The following WDFY4 variants were observed in gnomAD, a reference collection of about 807,000 sequenced individuals.
The protein encoded by WDFY4 is WDFY family member 4.
WDFY4 carries 169 observed loss-of-function variants against 351.9 expected under a neutral mutation model. That is an observed-to-expected ratio of 0.48 (90% CI 0.42 to 0.55). WDFY4 has a LOEUF of 0.55. Among genes scored for constraint, WDFY4 ranks in the 20% least tolerant of loss-of-function variants. The probability of loss-of-function intolerance (pLI) is 0.00; values close to 1 mark genes in which losing one functional copy is unlikely to be tolerated. For synonymous variants in WDFY4, 1,622 were observed against 1,574.6 expected (o/e 1.03, Z -0.71); for missense variants, 3,803 against 3,935.6 (o/e 0.97, Z 0.90).
In WDFY4 at chr10:48,788,743, T is replaced by A. The variant is rs74858472; in HGVS notation, c.3954+68T>A. 8.4e-3 allele frequency: 12,817 copies of A among 1,527,376 alleles called. 1,001 individuals are homozygous for A. In the African/African-American group the frequency reaches 0.16, roughly 19 times the overall value. 94.6% of individuals were successfully genotyped at this position (1,527,376 alleles called of 1,614,324 possible). A position where few individuals can be genotyped will look rare whatever the true frequency, so the allele number is the denominator to read the frequency against. On this transcript the variant is annotated intron_variant, in intron 21 of 61. Coordinates refer to ENST00000325239, the MANE Select transcript of WDFY4 (RefSeq NM_001394531.1). ...TTTCATGGTTTGCATTAGCTTTCAGTGCTTAAGTAAACACTATTTCATGTT... is the reference window on the plus strand; with the variant it reads ...TTTCATGGTTTGCATTAGCTTTCAGAGCTTAAGTAAACACTATTTCATGTT...
intron 39 of WDFY4, among the ~76,000 whole-genome samples, chr10:48,865,008 A>T (rs1428556324): frequency 1.3e-5 from 2 of 152,164 alleles, no homozygotes; most frequent in Non-Finnish European, 1.5e-5. Flanking sequence ...GCCATCTGTG[A>T]ACAGAGGTGT....
chr10:48,896,380 A>T (rs1837077945), intron 44 of WDFY4, among the ~76,000 whole-genome samples: 2 of 152,234 alleles, frequency 1.3e-5, no homozygotes, highest in Non-Finnish European at 2.9e-5. Flanking sequence ...GGAGTCAGAG[A>T]TGTTTAGGGG....
intron 1 of WDFY4, among the ~76,000 whole-genome samples, chr10:48,697,350 C>T (rs1220760292): frequency 3.3e-5 from 5 of 152,242 alleles, no homozygotes; most frequent in Non-Finnish European, 2.9e-5. Flanking sequence ...TCTTAGCCTC[C>T]CGTGTCTTCC....
intron 47 of WDFY4, among the ~76,000 whole-genome samples, chr10:48,920,592 T>A (rs971465647): frequency 2.0e-4 from 30 of 152,208 alleles, no homozygotes; most frequent in Non-Finnish European, 7.3e-5. Flanking sequence ...GGTTCTTCTC[T>A]GAAGTTTGGG....
chr10:48,972,137 T>C (rs879348836), intron 57 of WDFY4, among the ~76,000 whole-genome samples: 2 of 152,210 alleles, frequency 1.3e-5, no homozygotes, highest in African/African-American at 2.4e-5. Flanking sequence ...CATGCTCTTA[T>C]TTTCTAAAAA....
chr10:48,723,009 A>G (rs1471661704), intron 4 of WDFY4, among the ~76,000 whole-genome samples: 1 of 152,014 alleles, frequency 6.6e-6, no homozygotes, highest in African/African-American at 2.4e-5. Flanking sequence ...TTGCTCACAC[A>G]CATATTATCA....
intron 24 of WDFY4, among the ~76,000 whole-genome samples, chr10:48,800,116 T>G (rs2067013638): frequency 6.6e-6 from 1 of 152,150 alleles, no homozygotes; most frequent in South Asian, 2.1e-4. Flanking sequence ...GATCTCTTGA[T>G]CTCATGATCC....
Position 48,727,588 on chromosome 10 carries a change from C to G in WDFY4, c.900C>G (p.Pro300=), listed in dbSNP as rs41281999. ...TGGGATTCGTGAAGGACTCCTACCCCGTCTCCTCGGCTCTGTTCCTGGAGT... is the reference window on the plus strand; with the variant it reads ...TGGGATTCGTGAAGGACTCCTACCCGGTCTCCTCGGCTCTGTTCCTGGAGT... ...LILGFVKDSY[P]VSSALFLEFE... is the part of the protein sequence containing the mutation. Residue 300 remains proline (P), a synonymous_variant, in exon 7 of 62, where the codon CCC becomes CCG. Transcript: ENST00000325239. 1 of 1,551,988 alleles carries G rather than the reference C, an allele frequency of 6.4e-7. No individual in the cohort carries two copies. Among genetic ancestry groups the G allele is most frequent in the African/African-American group, 1.4e-5 (1 of 73,160 alleles).
chr10:48,858,759 T>C (rs1358177264), intron 39 of WDFY4, among the ~76,000 whole-genome samples: 3 of 152,236 alleles, frequency 2.0e-5, no homozygotes, highest in African/African-American at 7.2e-5. Flanking sequence ...GGTATTTTAA[T>C]AAGAATTTTA....
chr10:48,828,016 A>T (rs2068063067), intron 36 of WDFY4, among the ~76,000 whole-genome samples: 2 of 152,102 alleles, frequency 1.3e-5, no homozygotes, highest in African/African-American at 2.4e-5. Flanking sequence ...CCCTCTGTTT[A>T]GCAAGATTGA....
intron 19 of WDFY4, among the ~76,000 whole-genome samples, chr10:48,781,891 T>C (rs1412539958): frequency 6.6e-6 from 1 of 152,212 alleles, no homozygotes; most frequent in African/African-American, 2.4e-5. Flanking sequence ...TCCAGGAACA[T>C]ACATATAGTA....
intron 58 of WDFY4, 107 bp downstream of exon 58, chr10:48,975,148 G>T: frequency 7.0e-7 from 1 of 1,430,040 alleles, no homozygotes. Flanking sequence ...ACCCCAGAAT[G>T]CTGAGAGGGC....
At chr10:48,712,078 G>C (rs2063781091) in intron 2 of WDFY4, among the ~76,000 whole-genome samples, 1 of 152,134 alleles carries the variant, frequency 6.6e-6, no homozygotes, top group South Asian at 2.1e-4. Flanking sequence ...TCCACACCCT[G>C]TCCCTATAAT....
At chr10:48,747,730 T>C (rs1057161026) in intron 12 of WDFY4, among the ~76,000 whole-genome samples, 4 of 152,224 alleles carry the variant, frequency 2.6e-5, no homozygotes, top group Admixed American at 2.6e-4. Flanking sequence ...GATAGCCCTT[T>C]TCCTTTCTCA....
At chr10:48,867,841 A>G (rs1564431662) in intron 40 of WDFY4, among the ~76,000 whole-genome samples, 1 of 152,262 alleles carries the variant, frequency 6.6e-6, no homozygotes. Context: ...AACACAACAT[A>G]CAGTCTTAAA....
chr10:48,851,240 C>T (rs935518404), intron 39 of WDFY4, among the ~76,000 whole-genome samples: 2 of 152,150 alleles, frequency 1.3e-5, no homozygotes, highest in African/African-American at 4.8e-5. Context: ...TGGGGGCAGC[C>T]GTTGGTGAGA....
At position 48,958,604 on chromosome 10, in the gene WDFY4, C is replaced by CT. The variant is rs946368693; in HGVS notation, c.8132-1109dup. 3.0e-4 allele frequency among the ~76,000 whole-genome samples: 46 copies of CT among 151,238 alleles called. 1 individual carries two copies. In the South Asian group the frequency reaches 8.2e-3, roughly 27 times the overall value. On this transcript the variant is annotated intron_variant, in intron 52 of 61. Coordinates refer to ENST00000325239, the MANE Select transcript of WDFY4 (RefSeq NM_001394531.1). ...TTGAGCACCTACTGTATATAGGGACCTTTTTTTTTAGGCACTGGGGATTTA... is the reference window on the plus strand; with the variant it reads ...TTGAGCACCTACTGTATATAGGGACCTTTTTTTTTTAGGCACTGGGGATTTA...
At chr10:48,883,442 G>A (rs2070335282) in intron 43 of WDFY4, among the ~76,000 whole-genome samples, 1 of 152,124 alleles carries the variant, frequency 6.6e-6, no homozygotes, top group Admixed American at 6.5e-5. Flanking sequence ...GGTACAATTA[G>A]CCTATGTTGA....
chr10:48,827,382 G>A (rs1565244916), intron 36 of WDFY4, among the ~76,000 whole-genome samples: 1 of 151,542 alleles, frequency 6.6e-6, no homozygotes, highest in Non-Finnish European at 1.5e-5. Flanking sequence ...AAAAATGCTA[G>A]TTAAAAAGCT....
Sources: allele counts gnomAD v4.1 joint callset (sites outside exome capture counted in the v4.1 genomes callset), GRCh38; gene constraint gnomAD v4.1.1; transcripts MANE v1.5; gene names NCBI Gene and HGNC (gene_info 2026-07-23, HGNC 2026-07-21).